Variants in ITPR1 observed in about 807,000 individuals in gnomAD.
The protein encoded by ITPR1 is inositol 1,4,5-trisphosphate-gated calcium channel ITPR1.
Under a neutral mutation model 318.4 loss-of-function variants are expected in ITPR1, and 96 were observed. The ratio of observed to expected loss-of-function variants is 0.30; its 90% confidence interval spans 0.26 to 0.36. ITPR1 has a LOEUF of 0.36. ITPR1 is among the 10% of genes least tolerant of loss of function. ITPR1 has a pLI of 1.00. For missense variants in ITPR1, 2,440 were observed against 3,460.2 expected (o/e 0.71, Z 7.40); for synonymous variants, 1,312 against 1,289.9 (o/e 1.02, Z -0.37).
intron 2 of ITPR1, among the ~76,000 whole-genome samples, chr3:4,496,619 T>C (rs147884986): frequency 0.013 from 2,054 of 152,250 alleles, 59 homozygotes; most frequent in African/African-American, 0.046. Context: ...CACAGAAAGA[T>C]CAAGAGTCTT....
intron 26 of ITPR1, among the ~76,000 whole-genome samples, chr3:4,682,662 G>A (rs568660740): frequency 2.0e-4 from 30 of 152,232 alleles, no homozygotes; most frequent in East Asian, 5.8e-4. Context: ...CAGCTCTCCC[G>A]CCATTTTCCT....
chr3:4,789,297 A>T (rs1052217448), intron 52 of ITPR1, among the ~76,000 whole-genome samples: 3 of 152,130 alleles, frequency 2.0e-5, no homozygotes, highest in African/African-American at 4.8e-5. Context: ...CACGGTATGG[A>T]CCTCAGGAGA....
chr3:4,633,158 G>A (rs1438758391), intron 5 of ITPR1, among the ~76,000 whole-genome samples: 4 of 151,926 alleles, frequency 2.6e-5, no homozygotes, highest in Non-Finnish European at 4.4e-5. Flanking sequence ...GGATGGTCTC[G>A]ATCTCCTGAA....
At chr3:4,818,863 C>CA (rs2049485532) in intron 60 of ITPR1, among the ~76,000 whole-genome samples, 1 of 152,176 alleles carries the variant, frequency 6.6e-6, no homozygotes, top group Non-Finnish European at 1.5e-5. Context: ...TTTGCTGAGA[C>CA]ACCAAACGTG....
At chr3:4,666,442 G>C (rs958116506) in intron 17 of ITPR1, among the ~76,000 whole-genome samples, 9 of 152,126 alleles carry the variant, frequency 5.9e-5, no homozygotes, top group South Asian at 2.1e-4. Context: ...CTGGGTCTGT[G>C]GGGTGTGTCA....
chr3:4,817,170 G>C (rs1187330266), intron 59 of ITPR1, among the ~76,000 whole-genome samples: 1 of 152,110 alleles, frequency 6.6e-6, no homozygotes, highest in African/African-American at 2.4e-5. Flanking sequence ...GGCTCACCTT[G>C]TACATTTCCT....
chr3:4,777,788 CAA>C (rs34204694), intron 48 of ITPR1, among the ~76,000 whole-genome samples: 7 of 146,316 alleles, frequency 4.8e-5, no homozygotes, highest in African/African-American at 1.5e-4. Flanking sequence ...TATCTAGGAC[CAA>C]AAAAAAAAAA....
At position 4,681,842 on chromosome 3, in the gene ITPR1, CTT is replaced by C. The variant is rs879275310; in HGVS notation, c.3161+425_3161+426del. On this transcript the variant is annotated intron_variant, in intron 26 of 61. Transcript: ENST00000649015. The stretch of plus-strand genomic sequence containing the variant: ...GGGCTACAATTTTATCCCTGAGCTC[CTT>C]ACAGGCTATGCAACAAAGAAAGCAA... Among the ~76,000 whole-genome samples, 565 of 152,156 alleles carry C rather than the reference CTT, an allele frequency of 3.7e-3. 4 individuals carry two copies. The highest frequency in any genetic ancestry group is 0.012 in the African/African-American group (501 of 41,508).
At chr3:4,556,265 G>C (rs930584958) in intron 4 of ITPR1, among the ~76,000 whole-genome samples, 2 of 152,012 alleles carry the variant, frequency 1.3e-5, no homozygotes, top group Non-Finnish European at 2.9e-5. Context: ...CCCTCTATCA[G>C]GATGGTACAT....
intron 61 of ITPR1, among the ~76,000 whole-genome samples, chr3:4,837,573 G>C (rs902801129): frequency 2.0e-5 from 3 of 151,800 alleles, no homozygotes; most frequent in Non-Finnish European, 2.9e-5. Flanking sequence ...TAAATGCTTC[G>C]CCCTTATCTT....
At chr3:4,693,386 G>A in intron 32 of ITPR1, 104 bp from the exon 33 acceptor site, 1 of 1,282,644 alleles carries the variant, frequency 7.8e-7, no homozygotes, top group Non-Finnish European at 1.1e-6. Context: ...GATTTGGGAA[G>A]ATAAATGCTA....
rs538368706 is a variant in ITPR1, at chr3:4,501,386, C to T, written c.-17+6880C>T. 8.5e-5 allele frequency among the ~76,000 whole-genome samples: 13 copies of T among 152,324 alleles called. No homozygotes were observed. In the South Asian group the frequency reaches 1.5e-3, roughly 17 times the overall value. On this transcript the variant is annotated intron_variant, in intron 2 of 61. Coordinates refer to ENST00000649015, the MANE Select transcript of ITPR1 (RefSeq NM_001378452.1). ...ACTCCAAGTGTGGTCCCCAGACCAG[C>T]GTTACTGACATTAACTGGGAACTTG...
At chr3:4,688,461 CA>C in intron 30 of ITPR1, 33 bp from the exon 31 acceptor site, 3 of 1,610,142 alleles carry the variant, frequency 1.9e-6, no homozygotes, top group Non-Finnish European at 2.5e-6. Context: ...CCTGGCCCAG[CA>C]ATCAGTGCTT....
intron 4 of ITPR1, among the ~76,000 whole-genome samples, chr3:4,577,204 G>A (rs1163082931): frequency 6.6e-6 from 1 of 152,220 alleles, no homozygotes; most frequent in Non-Finnish European, 1.5e-5. Context: ...GATGGCACAG[G>A]ACGAGCCACA....
At chr3:4,783,653 G>A (rs2046979564) in intron 50 of ITPR1, among the ~76,000 whole-genome samples, 163 bp from the exon 51 acceptor site, 2 of 152,270 alleles carry the variant, frequency 1.3e-5, no homozygotes, top group South Asian at 4.1e-4. Context: ...TAGCGCCTGT[G>A]CACAGCACGC....
chr3:4,846,118 T>G (rs1198173488), intron 61 of ITPR1, 21 bp from the exon 62 acceptor site: 2 of 1,474,842 alleles, frequency 1.4e-6, no homozygotes, highest in South Asian at 2.5e-5. Context: ...GGTCTAATGA[T>G]GAAACTTTTT....
At chr3:4,643,689 A>T (rs2093389816) in intron 7 of ITPR1, among the ~76,000 whole-genome samples, 1 of 152,128 alleles carries the variant, frequency 6.6e-6, no homozygotes, top group Non-Finnish European at 1.5e-5. Flanking sequence ...TGTATATATG[A>T]CTTGATCATA....
intron 33 of ITPR1, among the ~76,000 whole-genome samples, chr3:4,693,964 AGAAC>A (rs1365741792): frequency 6.6e-6 from 1 of 152,240 alleles, no homozygotes; most frequent in Non-Finnish European, 1.5e-5. Context: ...TGTATCTTTA[AGAAC>A]AGTGAGGAAA....
At chr3:4,513,914 C>A (rs376403518) in intron 2 of ITPR1, among the ~76,000 whole-genome samples, 1 of 152,042 alleles carries the variant, frequency 6.6e-6, no homozygotes, top group Non-Finnish European at 1.5e-5. Flanking sequence ...GGCAAAACCC[C>A]ATCTCTACAA....
Sources: allele counts gnomAD v4.1 joint callset (sites outside exome capture counted in the v4.1 genomes callset), GRCh38; gene constraint gnomAD v4.1.1; transcripts MANE v1.5; gene names NCBI Gene and HGNC (gene_info 2026-07-23, HGNC 2026-07-21).